The following ISYNA1 variants were observed in gnomAD, a reference collection of about 807,000 sequenced individuals.
The protein encoded by ISYNA1 is MI-1-P synthase.
ISYNA1 carries 34 observed loss-of-function variants against 50.3 expected under a neutral mutation model. That is an observed-to-expected ratio of 0.68 (90% CI 0.51 to 0.90). The LOEUF is 0.90. Ranked by LOEUF, ISYNA1 falls within the 40% of genes least tolerant of loss-of-function variation. The pLI, the probability that ISYNA1 is intolerant of heterozygous loss-of-function variation, is 0.00. For missense variants in ISYNA1, 718 were observed against 784.8 expected (o/e 0.91, Z 1.02); for synonymous variants, 396 against 349.9 (o/e 1.13, Z -1.47).
chr19:18,435,996 C>G (rs376323364), intron 7 of ISYNA1, 36 bp downstream of exon 7: 1 of 1,612,642 alleles, frequency 6.2e-7, no homozygotes, highest in Non-Finnish European at 8.5e-7. Context: ...GCCCAGGCCC[C>G]CTTCCTGCAC....
chr19:18,437,063 T>C lies in ISYNA1; in HGVS notation c.325A>G (p.Ser109Gly), dbSNP rs777248875. ...YGSLTQAGTV[S>G]LGLDAEGQEV... ...TGGCCCTCGGCGTCCAGGCCCAGGC[T>C]CACGGTGCCCGCCTGAGTCAGCGAG... The change falls in exon 4 of 11, where the codon AGC becomes GGC. Residue 109 changes from serine (S) to glycine (G), a missense_variant. Ser to Gly is a moderately conservative substitution (Grantham distance 56, BLOSUM62 0). Coordinates refer to ENST00000338128, the MANE Select transcript of ISYNA1 (RefSeq NM_016368.5). 2 of 1,587,982 alleles carry C rather than the reference T, an allele frequency of 1.3e-6. No homozygotes were observed. Among genetic ancestry groups the C allele is most frequent in the Admixed American group, 1.8e-5 (1 of 55,966 alleles).
At position 18,434,605 on chromosome 19, in the gene ISYNA1, T is replaced by C. The variant is rs1192785634; in HGVS notation, c.*308A>G. ...TCTTTGGCCTTCTGCCACCACACTC[T>C]CCACCCTGTGGTCTTGTTCCGTCCC... On this transcript the variant is annotated 3_prime_UTR_variant, in exon 11 of 11. Transcript: ENST00000338128. 2 of 536,184 alleles carry C rather than the reference T, an allele frequency of 3.7e-6. No individual in the cohort carries two copies. Among genetic ancestry groups the C allele is most frequent in the Non-Finnish European group, 6.6e-6 (2 of 302,628 alleles). The allele number at this position is 536,184 out of a possible 1,614,324, so 33.2% of individuals were successfully genotyped here.
chr19:18,436,255 C>T lies in ISYNA1; in HGVS notation c.760-8G>A, dbSNP rs187427629. The T allele has an allele frequency of 5.6e-6, 9 of 1,607,828 alleles. No individual in the cohort carries two copies. The highest frequency in any genetic ancestry group is 4.0e-5 in the African/African-American group (3 of 75,036). Reference sequence around the variant, plus strand: ...CGACACCTCCAGACCGAGCTGTGGGCAAGGCGGGCAGTCAGCACAGAGCTG... The same window carrying T: ...CGACACCTCCAGACCGAGCTGTGGGTAAGGCGGGCAGTCAGCACAGAGCTG... On this transcript the variant is annotated splice_region_variant and splice_polypyrimidine_tract_variant and intron_variant, in intron 6 of 10. Coordinates refer to ENST00000338128, the MANE Select transcript of ISYNA1 (RefSeq NM_016368.5).
At position 18,434,734 on chromosome 19, in the gene ISYNA1, G is replaced by A; in HGVS notation, c.*179C>T. On this transcript the variant is annotated 3_prime_UTR_variant, in exon 11 of 11. Transcript: ENST00000338128. ...TGATGACCATGGGCAGAGGGGATGG[G>A]ACTGAAGCTGGGCGCTCAAGAGTCG... The A allele has an allele frequency of 1.6e-6, 1 of 616,378 alleles. No individual in the cohort carries two copies. Among genetic ancestry groups the A allele is most frequent in the Non-Finnish European group, 2.9e-6 (1 of 349,170 alleles). The allele number at this position is 616,378 out of a possible 1,614,324, so 38.2% of individuals were successfully genotyped here. A position where few individuals can be genotyped will look rare whatever the true frequency, so the allele number is the denominator to read the frequency against.
chr19:18,437,420 G>T (rs1974105028), intron 3 of ISYNA1, 179 bp downstream of exon 3: 2 of 788,992 alleles, frequency 2.5e-6, no homozygotes, highest in Non-Finnish European at 3.1e-6. Flanking sequence ...CAGGTCCCTC[G>T]CCCACTACAG....
Position 18,435,497 on chromosome 19 carries a change from G to A in ISYNA1, c.1255-14C>T, listed in dbSNP as rs1406495948. ...CAGCAGCGAGTCCTGCGGGGCGGGT[G>A]GGTCAGGAGATGGGGGCGGTGGCCA... On this transcript the variant is annotated splice_polypyrimidine_tract_variant and intron_variant, in intron 9 of 10. Transcript: ENST00000338128. The A allele has an allele frequency of 6.2e-7, 1 of 1,608,230 alleles. No homozygotes were observed.
At position 18,434,417 on chromosome 19, in the gene ISYNA1, G is replaced by C; in HGVS notation, c.*496C>G. On this transcript the variant is annotated 3_prime_UTR_variant, in exon 11 of 11. Transcript: ENST00000338128. The stretch of plus-strand genomic sequence containing the variant: ...CTTACCATTTTATTAAAAACGCAAG[G>C]ACCTCAGAGACGTTCTTTTCTGTAT... 8.2e-7 allele frequency: 1 copy of C among 1,222,136 alleles called. No homozygotes were observed. The highest frequency in any genetic ancestry group is 2.8e-5 in the East Asian group (1 of 35,342). The allele number at this position is 1,222,136 out of a possible 1,614,324, so 75.7% of individuals were successfully genotyped here.
chr19:18,437,010 C>T lies in ISYNA1; in HGVS notation c.378G>A (p.Val126=). The change falls in exon 4 of 11, where the codon GTG becomes GTA. Residue 126 remains valine (V), a synonymous_variant. Transcript: ENST00000338128. ...GGTCGTTGGGCGCCACCATGGGCAGCACCGCGCTGAAGGGTACGAACACCT... is the reference window on the plus strand; with the variant it reads ...GGTCGTTGGGCGCCACCATGGGCAGTACCGCGCTGAAGGGTACGAACACCT... ...GQEVFVPFSA[V]LPMVAPNDLV... is the part of the protein sequence containing the mutation. 1.9e-6 allele frequency: 3 copies of T among 1,611,246 alleles called. No individual in the cohort carries two copies. Among genetic ancestry groups the T allele is most frequent in the African/African-American group, 1.3e-5 (1 of 75,012 alleles).
In ISYNA1 at chr19:18,435,744, G is replaced by A. The variant is rs768823788; in HGVS notation, c.1140+13C>T. ...GCCGGGCAACCCCGCGCCCGCGCCC[G>A]CGCCCCACGCACGCAGTGGTCAGGC... On this transcript the variant is annotated intron_variant, in intron 8 of 10. Transcript: ENST00000338128. 5 of 1,611,666 alleles carry A rather than the reference G, an allele frequency of 3.1e-6. No homozygotes were observed. Among genetic ancestry groups the A allele is most frequent in the Non-Finnish European group, 3.4e-6 (4 of 1,179,148 alleles).
intron 3 of ISYNA1, 91 bp downstream of exon 3, chr19:18,437,508 C>T (rs1390482891): frequency 3.3e-5 from 13 of 394,586 alleles, no homozygotes; most frequent in East Asian, 1.5e-4. Flanking sequence ...CCCCCCTGGT[C>T]CCGCAGAGCC....
chr19:18,435,578 CA>C lies in ISYNA1; in HGVS notation c.1238del (p.Leu413ArgfsTer18). 1 of 1,607,866 alleles carries C rather than the reference CA, an allele frequency of 6.2e-7. No homozygotes were observed. The highest frequency in any genetic ancestry group is 1.1e-5 in the South Asian group (1 of 90,282). ...CGCGCCGCACCTCACACGTGTTGTG[CA>C]GCACCAGTGTGTTGGTTCCGCCCAG... Reference protein sequence around the residue: ...LMLGGTNTLVLHNTCEDSLLA... With the variant: ...LMLGGTNTLVXHNTCEDSLLA... On this transcript the variant is annotated frameshift_variant, in exon 9 of 11. Coordinates refer to ENST00000338128, the MANE Select transcript of ISYNA1 (RefSeq NM_016368.5). LOFTEE classifies it high-confidence loss of function.
rs1486065078 is a variant in ISYNA1, at chr19:18,436,419, T to C, written c.670A>G (p.Ile224Val). The change falls in exon 6 of 11, where the codon ATA becomes GTA. Residue 224 changes from isoleucine (I) to valine (V), a missense_variant. Physicochemically the swap from Ile to Val is conservative, Grantham distance 29. Around this residue, in one of 3 missense-constraint regions of ISYNA1, gnomAD observed 403 missense variants for 466.6 expected, o/e 0.86. Coordinates refer to ENST00000338128, the MANE Select transcript of ISYNA1 (RefSeq NM_016368.5). ...TCCGTGTTCGCCGTCCACAGCACTA[T>C]GACTTTGTCCAGCCCCGCGCTAGAC... ...FRSSAGLDKV[I>V]VLWTANTERF... 1.2e-6 allele frequency: 2 copies of C among 1,610,994 alleles called. No homozygotes were observed. The highest frequency in any genetic ancestry group is 2.2e-5 in the East Asian group (1 of 44,898).
In ISYNA1 at chr19:18,437,932, G is replaced by A. The variant is rs2144860918; in HGVS notation, c.48C>T (p.Tyr16=). The A allele has an allele frequency of 1.9e-6, 3 of 1,608,890 alleles. No individual in the cohort carries two copies. The East Asian group carries it at 6.7e-5, about 36-fold the overall frequency. The change falls in exon 2 of 11, where the codon TAC becomes TAT. Residue 16 remains tyrosine, a synonymous_variant. Transcript: ENST00000338128. ...QFFVESPDVV[Y]GPEAIEAQYE... is the part of the protein sequence containing the mutation. ...ATTGCGCCTCGATGGCCTCGGGGCC[G>A]TAGACCACGTCCGGGCTCTCGACGA...
chr19:18,434,631 C>T lies in ISYNA1; in HGVS notation c.*282G>A, dbSNP rs1277999241. Reference sequence around the variant, plus strand: ...CCACCCTGTGGTCTTGTTCCGTCCCCGCCCCCATCTAGCCCCACCTTTGAG... The same window carrying T: ...CCACCCTGTGGTCTTGTTCCGTCCCTGCCCCCATCTAGCCCCACCTTTGAG... On this transcript the variant is annotated 3_prime_UTR_variant, in exon 11 of 11. Transcript: ENST00000338128. 16 of 563,900 alleles carry T rather than the reference C, an allele frequency of 2.8e-5. No individual in the cohort carries two copies. The highest frequency in any genetic ancestry group is 2.3e-4 in the South Asian group (11 of 46,942). The allele number at this position is 563,900 out of a possible 1,614,324, so 34.9% of individuals were successfully genotyped here. A position where few individuals can be genotyped will look rare whatever the true frequency, so the allele number is the denominator to read the frequency against.
intron 4 of ISYNA1, 32 bp from the exon 5 acceptor site, chr19:18,436,909 G>C: frequency 6.3e-7 from 1 of 1,598,038 alleles, no homozygotes; most frequent in South Asian, 1.1e-5. Flanking sequence ...GCCCTGCCCG[G>C]ATCCTGGGCC....
Position 18,436,105 on chromosome 19 carries a change from C to T in ISYNA1, c.902G>A (p.Gly301Glu). 1 of 1,613,004 alleles carries T rather than the reference C, an allele frequency of 6.2e-7. No individual in the cohort carries two copies. Among genetic ancestry groups the T allele is most frequent in the Non-Finnish European group, 8.5e-7 (1 of 1,179,902 alleles). Reference protein sequence around the residue: ...LAWQHRVFVGGDDFKSGQTKV... With the variant: ...LAWQHRVFVGEDDFKSGQTKV... ...GGTCTGGCCTGACTTGAAGTCATCTCCGCCCACAAAAACCCGGTGCTGCCA... is the reference window on the plus strand; with the variant it reads ...GGTCTGGCCTGACTTGAAGTCATCTTCGCCCACAAAAACCCGGTGCTGCCA... The change falls in exon 7 of 11, where the codon GGA (glycine) becomes GAA (glutamate). Residue 301 changes from glycine to glutamate, a missense_variant. This residue lies in a region of ISYNA1 where 403 missense variants were observed against 466.6 expected (regional missense o/e 0.86). Coordinates refer to ENST00000338128, the MANE Select transcript of ISYNA1 (RefSeq NM_016368.5).
Position 18,436,334 on chromosome 19 carries a change from A to G in ISYNA1, c.755T>C (p.Ile252Thr), listed in dbSNP as rs762160711. 1.1e-5 allele frequency: 18 copies of G among 1,612,006 alleles called. No homozygotes were observed. Among genetic ancestry groups the G allele is most frequent in the East Asian group, 2.2e-5 (1 of 44,886 alleles). The change falls in exon 6 of 11, where the codon ATT (isoleucine) becomes ACT (threonine). Residue 252 changes from isoleucine (I) to threonine (T), a missense_variant. Physicochemically the swap from Ile to Thr is moderately conservative, Grantham distance 89. Around this residue, in one of 3 missense-constraint regions of ISYNA1, gnomAD observed 403 missense variants for 466.6 expected, o/e 0.86. Coordinates refer to ENST00000338128, the MANE Select transcript of ISYNA1 (RefSeq NM_016368.5). The part of the protein sequence containing the change: ...NDTAENLLRT[I>T]ELGLEVSPST... The stretch of plus-strand genomic sequence containing the variant: ...TCCACCCGGGCGTTCGCCCACCTCA[A>G]TGGTGCGCAGCAGGTTCTCGGCTGT...
chr19:18,434,642 AG>A lies in ISYNA1; in HGVS notation c.*270del. ...TCTTGTTCCGTCCCCGCCCCCATCTAGCCCCACCTTTGAGAACTGGGGGCAG... is the reference window on the plus strand; with the variant it reads ...TCTTGTTCCGTCCCCGCCCCCATCTACCCCACCTTTGAGAACTGGGGGCAG... On this transcript the variant is annotated 3_prime_UTR_variant, in exon 11 of 11. Coordinates refer to ENST00000338128, the MANE Select transcript of ISYNA1 (RefSeq NM_016368.5). 3.5e-6 allele frequency: 2 copies of A among 567,532 alleles called. No individual in the cohort carries two copies. Among genetic ancestry groups the A allele is most frequent in the South Asian group, 4.2e-5 (2 of 47,494 alleles). 35.2% of individuals were successfully genotyped at this position (567,532 alleles called of 1,614,324 possible).
Position 18,436,351 on chromosome 19 carries a change from C to G in ISYNA1, c.738G>C (p.Glu246Asp), listed in dbSNP as rs371984676. Residue 246 changes from glutamate (E) to aspartate (D), a missense_variant, in exon 6 of 11, where the codon GAG becomes GAC. Physicochemically the swap from Glu to Asp is conservative, Grantham distance 45. Coordinates refer to ENST00000338128, the MANE Select transcript of ISYNA1 (RefSeq NM_016368.5). ...CCACCTCAATGGTGCGCAGCAGGTT[C>G]TCGGCTGTGTCGTTGAGGCCTGGAA... ...EVIPGLNDTA[E>D]NLLRTIELGL... is the part of the protein sequence containing the mutation. The G allele has an allele frequency of 6.2e-7, 1 of 1,612,558 alleles. No homozygotes were observed. The highest frequency in any genetic ancestry group is 8.5e-7 in the Non-Finnish European group (1 of 1,179,914).
Sources: allele counts gnomAD v4.1 joint callset, GRCh38; gene constraint gnomAD v4.1.1; regional missense constraint gnomAD v4.1.1; transcripts MANE v1.5; gene names NCBI Gene and HGNC (gene_info 2026-07-23, HGNC 2026-07-21).